The following ZNF532 variants were observed in gnomAD, a reference collection of about 807,000 sequenced individuals.
The protein encoded by ZNF532 is zinc finger protein 532.
In ZNF532, 22 loss-of-function variants were observed where a neutral mutation model predicts 89.3. That is an observed-to-expected ratio of 0.25 (90% CI 0.18 to 0.35). The LOEUF (loss-of-function observed/expected upper bound fraction) is 0.35, where lower values mean the gene tolerates loss of function less well. ZNF532 is among the 10% of genes least tolerant of loss of function. The probability of loss-of-function intolerance (pLI) is 1.00; values close to 1 mark genes in which losing one functional copy is unlikely to be tolerated. For missense variants in ZNF532, 1,132 were observed against 1,643.4 expected (o/e 0.69, Z 5.38); for synonymous variants, 606 against 649.6 (o/e 0.93, Z 1.02).
intron 2 of ZNF532, among the ~76,000 whole-genome samples, chr18:58,887,076 TC>T (rs2058355647): frequency 6.6e-6 from 1 of 152,226 alleles, no homozygotes; most frequent in Non-Finnish European, 1.5e-5. Flanking sequence ...CTAAGGCTTT[TC>T]TGGCGGTGAA....
At chr18:58,925,915 T>A (rs1012160584) in intron 3 of ZNF532, among the ~76,000 whole-genome samples, 4 of 152,240 alleles carry the variant, frequency 2.6e-5, no homozygotes, top group Non-Finnish European at 5.9e-5. Context: ...GTGGGGCTAT[T>A]TCTGGATTCT....
Position 58,953,638 on chromosome 18 carries a change from A to G in ZNF532, c.2989A>G (p.Met997Val). 6.2e-7 allele frequency: 1 copy of G among 1,614,038 alleles called. No individual in the cohort carries two copies. The highest frequency in any genetic ancestry group is 8.5e-7 in the Non-Finnish European group (1 of 1,179,868). The change falls in exon 7 of 10, where the codon ATG (methionine) becomes GTG (valine). Residue 997 changes from methionine to valine, a missense_variant. Around this residue, in one of 9 missense-constraint regions of ZNF532, gnomAD observed 415 missense variants for 604.8 expected, o/e 0.69. Transcript: ENST00000591808. ...ANQNKEDTKS[M>V]NGKEKLEKKS... ...TCAGAACAAAGAGGACACCAAATCC[A>G]TGAATGGGAAAGAGAAATTGGAAAA...
At chr18:58,881,321 C>T (rs139488699) in intron 2 of ZNF532, among the ~76,000 whole-genome samples, 1,836 of 151,894 alleles carry the variant, frequency 0.012, 20 homozygotes, top group Non-Finnish European at 0.018. Flanking sequence ...TTAGTAGAGA[C>T]GACGGGGTTT....
At chr18:58,917,530 A>G (rs2060691517) in intron 2 of ZNF532, among the ~76,000 whole-genome samples, 1 of 152,086 alleles carries the variant, frequency 6.6e-6, no homozygotes, top group Admixed American at 6.5e-5. Flanking sequence ...GCCCCTTTTA[A>G]AGATCCCTCA....
At position 58,919,802 on chromosome 18, in the gene ZNF532, C is replaced by T. The variant is rs776680478; in HGVS notation, c.1515C>T (p.Val505=). The T allele has an allele frequency of 4.1e-5, 66 of 1,613,920 alleles. No homozygotes were observed. In the South Asian group the frequency reaches 5.9e-4, roughly 15 times the overall value. The part of the protein sequence containing the change: ...KAANAIQQQT[V]VVPASSLANA... ...CCAACGCCATCCAGCAGCAAACTGTCGTGGTGCCGGCATCCAGCCTGGCCA... is the reference window on the plus strand; with the variant it reads ...CCAACGCCATCCAGCAGCAAACTGTTGTGGTGCCGGCATCCAGCCTGGCCA... The change falls in exon 3 of 10, where the codon GTC becomes GTT. Residue 505 remains valine, a synonymous_variant. Coordinates refer to ENST00000591808, the MANE Select transcript of ZNF532 (RefSeq NM_001375912.1). The surrounding 1 kb of genome is among the most constrained non-coding windows in gnomAD (Gnocchi z 6.1).
chr18:58,880,771 C>T (rs201841898), intron 2 of ZNF532, among the ~76,000 whole-genome samples: 45,258 of 143,302 alleles, frequency 0.32, 7,674 homozygotes, highest in Middle Eastern at 0.54. Context: ...CACGCGCGCG[C>T]GTCTGTGTGT....
At chr18:58,898,975 A>G (rs1263591730) in intron 2 of ZNF532, among the ~76,000 whole-genome samples, 1 of 152,254 alleles carries the variant, frequency 6.6e-6, no homozygotes, top group Non-Finnish European at 1.5e-5. Flanking sequence ...TCTGGCTTTC[A>G]GCGCTGGAGA....
intron 2 of ZNF532, among the ~76,000 whole-genome samples, chr18:58,901,306 G>A (rs538223652): frequency 6.6e-6 from 1 of 152,266 alleles, no homozygotes; most frequent in African/African-American, 2.4e-5. Context: ...TGGCCAGGTT[G>A]GTCCTGAACG....
chr18:58,972,568 C>T (rs182074903), intron 7 of ZNF532, among the ~76,000 whole-genome samples: 1 of 152,182 alleles, frequency 6.6e-6, no homozygotes, highest in African/African-American at 2.4e-5. Context: ...TGGGCCCCTT[C>T]GTCACCCACC....
intron 9 of ZNF532, among the ~76,000 whole-genome samples, chr18:58,982,788 A>G (rs1383548872): frequency 3.3e-5 from 5 of 152,116 alleles, no homozygotes; most frequent in African/African-American, 1.2e-4. Flanking sequence ...ATTAAAATGC[A>G]ATACTTCAAG....
chr18:58,969,455 G>T (rs561995103), intron 7 of ZNF532, among the ~76,000 whole-genome samples: 6 of 152,284 alleles, frequency 3.9e-5, no homozygotes, highest in African/African-American at 1.4e-4. Flanking sequence ...CGTCTTCATC[G>T]CTGCCCGGCA....
rs2065111748 is a variant in ZNF532, at chr18:58,959,269, TGTTTTTTTTTGG to T, written c.3150+5471_3150+5482del. ...CAGTTTTTTGTTTTTTGTTTTTTTT[TGTTTTTTTTTGG>T]TTTTTTTTTTTGACAAGGTCTCACT... On this transcript the variant is annotated intron_variant, in intron 7 of 9. Coordinates refer to ENST00000591808, the MANE Select transcript of ZNF532 (RefSeq NM_001375912.1). 2.7e-5 allele frequency among the ~76,000 whole-genome samples: 4 copies of T among 146,758 alleles called. 1 individual carries two copies. In the South Asian group the frequency reaches 6.5e-4, roughly 24 times the overall value.
At chr18:58,977,682 T>C (rs904639323) in intron 7 of ZNF532, 1 of 152,136 alleles carries the variant, frequency 6.6e-6, no homozygotes, top group Non-Finnish European at 1.5e-5. Flanking sequence ...AGACCTTGTC[T>C]CTACTAAAAA....
At chr18:58,950,385 T>C (rs528277269) in intron 6 of ZNF532, among the ~76,000 whole-genome samples, 5 of 152,376 alleles carry the variant, frequency 3.3e-5, no homozygotes, top group African/African-American at 1.2e-4. Flanking sequence ...ATCACTTATG[T>C]TCTCATTTCA....
rs759560403 is a variant in ZNF532, at chr18:58,953,660, A to G, written c.3011A>G (p.Glu1004Gly). 2.5e-6 allele frequency: 4 copies of G among 1,614,006 alleles called. No homozygotes were observed. The highest frequency in any genetic ancestry group is 2.5e-6 in the Non-Finnish European group (3 of 1,179,872). Residue 1004 changes from glutamate to glycine, a missense_variant, in exon 7 of 10, where the codon GAA becomes GGA. By Grantham distance (98) the Glu-to-Gly change is moderately conservative. This residue lies in a region of ZNF532 where 415 missense variants were observed against 604.8 expected (regional missense o/e 0.69). Transcript: ENST00000591808. ...TCCATGAATGGGAAAGAGAAATTGG[A>G]AAAGAAATCTCCATCTCCTGTGAAA... ...TKSMNGKEKL[E>G]KKSPSPVKKS... is the part of the protein sequence containing the mutation.
chr18:58,983,868 C>G, intron 9 of ZNF532, 104 bp from the exon 10 acceptor site: 1 of 1,429,556 alleles, frequency 7.0e-7, no homozygotes, highest in Non-Finnish European at 9.5e-7. Context: ...CCAAAGCGTT[C>G]AGCACAAGTT....
intron 2 of ZNF532, among the ~76,000 whole-genome samples, chr18:58,881,163 G>A (rs997537747): frequency 6.0e-5 from 9 of 150,960 alleles, no homozygotes; most frequent in African/African-American, 1.2e-4. Context: ...GTGCAGTGGC[G>A]TGATCTCGGT....
At chr18:58,892,875 GT>G (rs1397272228) in intron 2 of ZNF532, among the ~76,000 whole-genome samples, 3 of 151,966 alleles carry the variant, frequency 2.0e-5, no homozygotes, top group African/African-American at 4.8e-5. Context: ...TGTGACTGCT[GT>G]TTCTGTAGTA....
In ZNF532 at chr18:58,948,133, T is replaced by C; in HGVS notation, c.2772T>C (p.Phe924=). 6.2e-7 allele frequency: 1 copy of C among 1,614,000 alleles called. No individual in the cohort carries two copies. The highest frequency in any genetic ancestry group is 8.5e-7 in the Non-Finnish European group (1 of 1,179,890). ...TGCAAACCTTGCTGTATCGCCACTT[T>C]GACCAACACATTGAAAACCAGAAGG... ...FTLQTLLYRH[F]DQHIENQKVS... is the part of the protein sequence containing the mutation. Residue 924 remains phenylalanine, a synonymous_variant, in exon 6 of 10, where the codon TTT becomes TTC. Coordinates refer to ENST00000591808, the MANE Select transcript of ZNF532 (RefSeq NM_001375912.1).
Sources: allele counts gnomAD v4.1 joint callset (sites outside exome capture counted in the v4.1 genomes callset), GRCh38; gene constraint gnomAD v4.1.1; regional missense constraint gnomAD v4.1.1; non-coding constraint Gnocchi (gnomAD v3.1); transcripts MANE v1.5; gene names NCBI Gene and HGNC (gene_info 2026-07-23, HGNC 2026-07-21).